The following RAB3C variants were observed in gnomAD, a reference collection of about 807,000 sequenced individuals.
RAB3C encodes the protein ras-related protein Rab-3C.
In RAB3C, 17 loss-of-function variants were observed where a neutral mutation model predicts 26.4. The observed-to-expected ratio is 0.64, with a 90% CI of 0.44 to 0.97. The LOEUF (loss-of-function observed/expected upper bound fraction) is 0.97, where lower values mean the gene tolerates loss of function less well. Ranked by LOEUF, RAB3C falls within the 50% of genes least tolerant of loss-of-function variation. RAB3C has a pLI of 0.00. For synonymous variants in RAB3C, 91 were observed against 95.9 expected (o/e 0.95, Z 0.30); for missense variants, 242 against 281.9 (o/e 0.86, Z 1.01).
chr5:58,727,948 A>G (rs1740926007), intron 3 of RAB3C, among the ~76,000 whole-genome samples: 1 of 151,922 alleles, frequency 6.6e-6, no homozygotes, highest in African/African-American at 2.4e-5. Context: ...TCTAGAAGCA[A>G]ACTAAACCAT....
chr5:58,775,697 T>G (rs1207702261), intron 3 of RAB3C, among the ~76,000 whole-genome samples: 3 of 151,248 alleles, frequency 2.0e-5, no homozygotes, highest in Non-Finnish European at 4.4e-5. Context: ...ATAACTAAAT[T>G]TTTTTTTAAA....
chr5:58,657,347 C>T (rs893509676), intron 2 of RAB3C, among the ~76,000 whole-genome samples: 6 of 151,164 alleles, frequency 4.0e-5, no homozygotes, highest in African/African-American at 1.5e-4. Flanking sequence ...AAAGAACTTA[C>T]TTATGTAACC....
chr5:58,601,911 T>C (rs2111687244), intron 1 of RAB3C, among the ~76,000 whole-genome samples: 1 of 152,246 alleles, frequency 6.6e-6, no homozygotes, highest in African/African-American at 2.4e-5. Flanking sequence ...TTTGTTTTTT[T>C]CTTGTTCTAG....
intron 2 of RAB3C, among the ~76,000 whole-genome samples, chr5:58,640,775 C>T (rs1214793989): frequency 1.3e-5 from 2 of 152,162 alleles, no homozygotes; most frequent in Non-Finnish European, 2.9e-5. Context: ...GGATGCTAAT[C>T]ACACTTAACA....
chr5:58,832,754 G>A (rs1267356922), intron 4 of RAB3C, among the ~76,000 whole-genome samples: 6 of 152,194 alleles, frequency 3.9e-5, no homozygotes, highest in Non-Finnish European at 7.3e-5. Context: ...ACAGGTGATG[G>A]TCTCCCTAGG....
chr5:58,754,462 G>A (rs1741604067), intron 3 of RAB3C, among the ~76,000 whole-genome samples: 1 of 152,086 alleles, frequency 6.6e-6, no homozygotes, highest in African/African-American at 2.4e-5. Flanking sequence ...AGAGGTCAAG[G>A]TCAGCGTCAT....
intron 2 of RAB3C, among the ~76,000 whole-genome samples, chr5:58,725,463 A>G (rs192805764): frequency 8.4e-4 from 128 of 151,958 alleles, no homozygotes; most frequent in African/African-American, 2.9e-3. Flanking sequence ...CTGATTATTT[A>G]TCTCTTTCTC....
At chr5:58,777,442 T>C (rs1238634426) in intron 3 of RAB3C, among the ~76,000 whole-genome samples, 1 of 152,108 alleles carries the variant, frequency 6.6e-6, no homozygotes, top group Non-Finnish European at 1.5e-5. Flanking sequence ...ACCTCAAATA[T>C]TACTTTTTTT....
At chr5:58,686,589 T>TTGCTGTCTG (rs1748447933) in intron 2 of RAB3C, among the ~76,000 whole-genome samples, 2 of 152,056 alleles carry the variant, frequency 1.3e-5, no homozygotes, top group African/African-American at 4.8e-5. Context: ...GTGAGTCCTG[T>TTGCTGTCTG]TGCTGTCTGT....
In RAB3C at chr5:58,658,396, C is replaced by T. The variant is rs573522334; in HGVS notation, c.252+40526C>T. 3.3e-5 allele frequency among the ~76,000 whole-genome samples: 5 copies of T among 152,182 alleles called. No homozygotes were observed. The South Asian group carries it at 1.0e-3, about 32-fold the overall frequency. On this transcript the variant is annotated intron_variant, in intron 2 of 4. Transcript: ENST00000282878. ...GAGACGATGGGGTTTTCTAGATATG[C>T]AATCATGTCATCTGCAAACAGGAAA...
chr5:58,693,351 T>TAC lies in RAB3C; in HGVS notation c.253-32650_253-32649insCA, dbSNP rs1367621946. 4.2e-5 allele frequency among the ~76,000 whole-genome samples: 6 copies of TAC among 143,742 alleles called. No individual in the cohort carries two copies. In the East Asian group the frequency reaches 1.2e-3, roughly 28 times the overall value. The allele number at this position is 143,742 out of a possible 152,430, so 94.3% of individuals were successfully genotyped here. A position where few individuals can be genotyped will look rare whatever the true frequency, so the allele number is the denominator to read the frequency against. On this transcript the variant is annotated intron_variant, in intron 2 of 4. Coordinates refer to ENST00000282878, the MANE Select transcript of RAB3C (RefSeq NM_138453.4). ...ATATATATGTGTATATATATATATATATATATATATAAAATTTCTTAAAAC... is the reference window on the plus strand; with the variant it reads ...ATATATATGTGTATATATATATATATACATATATATATAAAATTTCTTAAAAC...
At chr5:58,800,066 C>T (rs116635753) in intron 3 of RAB3C, among the ~76,000 whole-genome samples, 6 of 152,346 alleles carry the variant, frequency 3.9e-5, no homozygotes, top group Non-Finnish European at 4.4e-5. Context: ...ACGTGCTCCA[C>T]GTCCATGAAT....
At chr5:58,600,397 G>A (rs530647778) in intron 1 of RAB3C, among the ~76,000 whole-genome samples, 1 of 151,978 alleles carries the variant, frequency 6.6e-6, no homozygotes, top group African/African-American at 2.4e-5. Context: ...TATTTTTATG[G>A]GGATTGCATT....
intron 2 of RAB3C, among the ~76,000 whole-genome samples, chr5:58,696,635 C>A (rs1019349675): frequency 6.6e-6 from 1 of 152,108 alleles, no homozygotes; most frequent in African/African-American, 2.4e-5. Flanking sequence ...AAACTTCTTC[C>A]TGGTTTAATC....
intron 2 of RAB3C, among the ~76,000 whole-genome samples, chr5:58,677,976 T>TGTGTGTGTGTGTG (rs1748261340): frequency 2.2e-4 from 32 of 147,882 alleles, no homozygotes; most frequent in African/African-American, 7.2e-4. Flanking sequence ...CTAGATTATT[T>TGTGTGTGTGTGTG]TGTGTGTGTG....
intron 3 of RAB3C, among the ~76,000 whole-genome samples, chr5:58,747,627 C>G (rs1393405846): frequency 6.6e-6 from 1 of 152,002 alleles, no homozygotes. Context: ...GTGAGAAACT[C>G]TTACAAAGAA....
At chr5:58,594,328 T>C (rs936679674) in intron 1 of RAB3C, among the ~76,000 whole-genome samples, 1 of 152,218 alleles carries the variant, frequency 6.6e-6, no homozygotes, top group Non-Finnish European at 1.5e-5. Flanking sequence ...TTCTTTAGAA[T>C]GTTTGATCCA....
intron 2 of RAB3C, among the ~76,000 whole-genome samples, chr5:58,654,043 T>A (rs1389141643): frequency 6.6e-6 from 1 of 152,222 alleles, no homozygotes; most frequent in Non-Finnish European, 1.5e-5. Context: ...CTGACTAATT[T>A]AATGTTTTCT....
chr5:58,680,134 G>A (rs905495843), intron 2 of RAB3C, among the ~76,000 whole-genome samples: 1 of 152,116 alleles, frequency 6.6e-6, no homozygotes, highest in Non-Finnish European at 1.5e-5. Context: ...ATCAAAGAAA[G>A]GGAAGGAGTT....
Sources: gnomAD v4.1 joint callset for allele counts (sites outside exome capture counted in the v4.1 genomes callset) on GRCh38, gnomAD v4.1.1 for gene constraint, MANE v1.5 for transcripts, NCBI Gene and HGNC (gene_info 2026-07-23, HGNC 2026-07-21) for gene names.